IFT172: variants seen among roughly 807,000 people sequenced by gnomAD.
IFT172 encodes intraflagellar transport protein 172 homolog.
A neutral mutation model predicts 248.9 loss-of-function variants in IFT172; 164 were observed. The observed-to-expected ratio is 0.66, with a 90% confidence interval of 0.58 to 0.75. The LOEUF is 0.75. Among genes scored for constraint, IFT172 ranks in the 30% least tolerant of loss-of-function variants. IFT172 has a pLI of 0.00. For missense variants in IFT172, 1,950 were observed against 2,192.4 expected (o/e 0.89, Z 2.21); for synonymous variants, 729 against 791.6 (o/e 0.92, Z 1.33).
At chr2:27,459,941 G>T in intron 23 of IFT172, 112 bp from the exon 24 acceptor site, 1 of 1,435,010 alleles carries the variant, frequency 7.0e-7, no homozygotes, top group Non-Finnish European at 9.5e-7. Context: ...AGGAATGGAG[G>T]ACTGGAGCCA....
In IFT172 at chr2:27,472,375, G is replaced by A; in HGVS notation, c.1412-13C>T. ...CCAATCAGATCCACTATAGAATAAA[G>A]GAGACAGGGTTAAGAAGAGAGATTC... is the stretch of plus-strand genomic sequence containing the variant. On this transcript the variant is annotated splice_polypyrimidine_tract_variant and intron_variant, in intron 14 of 47. Coordinates refer to ENST00000260570, the MANE Select transcript of IFT172 (RefSeq NM_015662.3). 6.2e-7 allele frequency: 1 copy of A among 1,603,518 alleles called. No individual in the cohort carries two copies. Among genetic ancestry groups the A allele is most frequent in the Non-Finnish European group, 8.5e-7 (1 of 1,171,026 alleles).
intron 18 of IFT172, among the ~76,000 whole-genome samples, chr2:27,464,140 A>T (rs1666900318): frequency 6.6e-6 from 1 of 152,208 alleles, no homozygotes; most frequent in Non-Finnish European, 1.5e-5. Flanking sequence ...ACAAGGATGG[A>T]GACATCAGGA....
At chr2:27,462,564 TA>T in intron 20 of IFT172, 136 bp downstream of exon 20, 1 of 716,886 alleles carries the variant, frequency 1.4e-6, no homozygotes, top group Non-Finnish European at 2.4e-6. Context: ...ATTAACTATA[TA>T]AACCCCTTTG....
rs1667047053 is a variant in IFT172, at chr2:27,465,786, T to C, written c.1789A>G (p.Ile597Val). The C allele has an allele frequency of 8.1e-6, 13 of 1,614,036 alleles. No individual in the cohort carries two copies. The highest frequency in any genetic ancestry group is 1.7e-5 in the Admixed American group (1 of 59,992). Reference protein sequence around the residue: ...TVAYTLDEGLIEFGTAIDDGN... With the variant: ...TVAYTLDEGLVEFGTAIDDGN... ...TCATCAATGGCTGTTCCAAACTCGA[T>C]GAGGCCCTCATCCAATGTGTAGGCA... is the stretch of plus-strand genomic sequence containing the variant. The change falls in exon 17 of 48, where the codon ATC (isoleucine) becomes GTC (valine). Residue 597 changes from isoleucine (I) to valine (V), a missense_variant. Ile to Val is a conservative substitution (Grantham distance 29, BLOSUM62 3). Around this residue, in one of 3 missense-constraint regions of IFT172, gnomAD observed 1,166 missense variants for 1,254.1 expected, o/e 0.93. Coordinates refer to ENST00000260570, the MANE Select transcript of IFT172 (RefSeq NM_015662.3).
At chr2:27,479,696 G>A (rs1188200001) in intron 9 of IFT172, 92 bp from the exon 10 acceptor site, 1 of 880,786 alleles carries the variant, frequency 1.1e-6, no homozygotes. Flanking sequence ...CTAAGCTCTA[G>A]AGTCTAGAGA....
At chr2:27,477,445 C>T (rs1453629533) in intron 12 of IFT172, 114 bp downstream of exon 12, 7 of 1,209,958 alleles carry the variant, frequency 5.8e-6, no homozygotes, top group Admixed American at 3.4e-5. Context: ...CCAATTTCAT[C>T]CTCCCTGTTT....
chr2:27,449,687 T>C lies in IFT172; in HGVS notation c.4160+4A>G. 3 of 1,611,186 alleles carry C rather than the reference T, an allele frequency of 1.9e-6. No individual in the cohort carries two copies. The South Asian group carries it at 3.3e-5, about 18-fold the overall frequency. ...TTCGCAGTAAGAAGGGGTTACAAGCTTACCTGGGATCTAACTCCTTAGCTA... is the reference window on the plus strand; with the variant it reads ...TTCGCAGTAAGAAGGGGTTACAAGCCTACCTGGGATCTAACTCCTTAGCTA... On this transcript the variant is annotated splice_donor_region_variant and intron_variant, in intron 37 of 47. Transcript: ENST00000260570.
intron 16 of IFT172, among the ~76,000 whole-genome samples, chr2:27,467,936 G>A (rs1292922251): frequency 4.0e-5 from 6 of 151,808 alleles, no homozygotes; most frequent in East Asian, 1.9e-4. Context: ...TGAGGCTGGC[G>A]GATCACAAGG....
chr2:27,457,332 G>A (rs1222001816), intron 29 of IFT172, among the ~76,000 whole-genome samples: 1 of 152,224 alleles, frequency 6.6e-6, no homozygotes, highest in Admixed American at 6.5e-5. Flanking sequence ...CACTTTGGGA[G>A]GCCAAGGCAG....
At chr2:27,464,694 C>T (rs951379575) in intron 18 of IFT172, among the ~76,000 whole-genome samples, 1 of 152,064 alleles carries the variant, frequency 6.6e-6, no homozygotes. Flanking sequence ...TCTCAGCTCA[C>T]CGCAACTTTG....
intron 22 of IFT172, 24 bp downstream of exon 22, chr2:27,461,245 G>T: frequency 6.2e-7 from 1 of 1,613,448 alleles, no homozygotes; most frequent in Non-Finnish European, 8.5e-7. Context: ...GGAGATAAGG[G>T]CTAGGAAAAG....
At chr2:27,471,329 G>T in intron 15 of IFT172, 1 of 389,782 alleles carries the variant, frequency 2.6e-6, no homozygotes, top group Non-Finnish European at 4.5e-6. Flanking sequence ...GTTAGGTGAA[G>T]GTCAGACTTT....
chr2:27,481,316 C>T (rs935642964), intron 7 of IFT172, 56 bp from the exon 8 acceptor site: 3 of 1,359,554 alleles, frequency 2.2e-6, no homozygotes, highest in Non-Finnish European at 2.1e-6. Flanking sequence ...CCGAGAAATT[C>T]CTCACTCTCA....
In IFT172 at chr2:27,445,575, C is replaced by T; in HGVS notation, c.4915-126G>A. The T allele has an allele frequency of 7.6e-7, 1 of 1,312,080 alleles. No individual in the cohort carries two copies. Among genetic ancestry groups the T allele is most frequent in the Non-Finnish European group, 1.0e-6 (1 of 956,702 alleles). The allele number at this position is 1,312,080 out of a possible 1,614,324, so 81.3% of individuals were successfully genotyped here. ...TACCAGCTTTTAGCCACGAATCCTC[C>T]TTGGATTGGGGGATGCAGTCACAGC... On this transcript the variant is annotated intron_variant, in intron 45 of 47. Coordinates refer to ENST00000260570, the MANE Select transcript of IFT172 (RefSeq NM_015662.3). The surrounding 1 kb of genome is among the most constrained non-coding windows in gnomAD (Gnocchi z 4.4).
chr2:27,446,301 G>A lies in IFT172; in HGVS notation c.4714C>T (p.Pro1572Ser), dbSNP rs1307170010. ...VSLLRHTQLL[P>S]VDKAFYEAGI... ...GCTTCATAGAAGGCTTTGTCTACAGGTAGTAGCTGGGTGTGACGCAAGAGT... is the reference window on the plus strand; with the variant it reads ...GCTTCATAGAAGGCTTTGTCTACAGATAGTAGCTGGGTGTGACGCAAGAGT... Residue 1572 changes from proline to serine, a missense_variant, in exon 43 of 48, where the codon CCT becomes TCT. Transcript: ENST00000260570. 6.2e-7 allele frequency: 1 copy of A among 1,614,240 alleles called. No homozygotes were observed. Among genetic ancestry groups the A allele is most frequent in the Non-Finnish European group, 8.5e-7 (1 of 1,180,042 alleles).
At chr2:27,466,306 G>C (rs939717665) in intron 16 of IFT172, among the ~76,000 whole-genome samples, 4 of 152,200 alleles carry the variant, frequency 2.6e-5, no homozygotes, top group African/African-American at 9.6e-5. Context: ...GAAAGAAAAA[G>C]GTCAATAAGC....
At chr2:27,453,864 TC>T in intron 33 of IFT172, 117 bp downstream of exon 33, 1 of 1,382,546 alleles carries the variant, frequency 7.2e-7, no homozygotes, top group Non-Finnish European at 1.0e-6. Flanking sequence ...TTTCCTGTCT[TC>T]CCCACTCCCC....
In IFT172 at chr2:27,446,300, G is replaced by C. The variant is rs1558351023; in HGVS notation, c.4715C>G (p.Pro1572Arg). Residue 1572 changes from proline (P) to arginine (R), a missense_variant, in exon 43 of 48, where the codon CCT (proline) becomes CGT (arginine). This residue lies in a region of IFT172 where 620 missense variants were observed against 699.0 expected (regional missense o/e 0.89). Transcript: ENST00000260570. ...VSLLRHTQLLPVDKAFYEAGI... is the reference protein window; with the variant it reads ...VSLLRHTQLLRVDKAFYEAGI... ...TGCTTCATAGAAGGCTTTGTCTACA[G>C]GTAGTAGCTGGGTGTGACGCAAGAG... 1 of 1,614,228 alleles carries C rather than the reference G, an allele frequency of 6.2e-7. No individual in the cohort carries two copies.
At chr2:27,456,192 G>A (rs751436748) in intron 30 of IFT172, among the ~76,000 whole-genome samples, 18 of 151,924 alleles carry the variant, frequency 1.2e-4, no homozygotes, top group Non-Finnish European at 2.1e-4. Context: ...GCCTGGCGAC[G>A]GAGTGAGACT....
Sources: gnomAD v4.1 joint callset for allele counts (sites outside exome capture counted in the v4.1 genomes callset) on GRCh38, gnomAD v4.1.1 for gene constraint, gnomAD v4.1.1 regional missense constraint, Gnocchi (gnomAD v3.1) non-coding constraint, MANE v1.5 for transcripts, NCBI Gene and HGNC (gene_info 2026-07-23, HGNC 2026-07-21) for gene names.